PRRG1: variants seen among roughly 807,000 people sequenced by gnomAD.
The protein encoded by PRRG1 is proline rich and Gla domain 1.
PRRG1 carries 5 observed loss-of-function variants against 11.8 expected under a neutral mutation model. The ratio of observed to expected loss-of-function variants is 0.42; its 90% confidence interval spans 0.22 to 0.89. The LOEUF is 0.89. PRRG1 is among the 40% of genes least tolerant of loss of function. PRRG1 has a pLI of 0.28. For missense variants in PRRG1, 155 were observed against 166.1 expected, an observed-to-expected ratio of 0.93 and a Z score of 0.37; for synonymous variants, 66 against 60.4, an observed-to-expected ratio of 1.09 and a Z score of -0.43.
At chrX:37,441,399 C>T in intron 3 of PRRG1, 1 of 754,687 alleles carries the variant, frequency 1.3e-6, no homozygotes, top group Non-Finnish European at 1.6e-6. Context: ...GGAATGCATC[C>T]CTCCCCAGAT....
At chrX:37,414,211 T>TTTTC (rs1266983243) in intron 2 of PRRG1, among the ~76,000 whole-genome samples, 2 of 112,486 alleles carry the variant, frequency 1.8e-5, no homozygotes, top group African/African-American at 6.5e-5. Flanking sequence ...GCTTGTTTTC[T>TTTTC]TACTGTTTTA....
Position 37,454,073 on chromosome X carries a change from T to G in PRRG1, c.*452T>G, listed in dbSNP as rs1164228943. 8.9e-6 allele frequency: 1 copy of G among 112,913 alleles called. No homozygotes were observed. The highest frequency in any genetic ancestry group is 1.9e-5 in the Non-Finnish European group (1 of 53,703). 9.3% of individuals were successfully genotyped at this position (112,913 alleles called of 1,213,427 possible). On this transcript the variant is annotated 3_prime_UTR_variant, in exon 4 of 4. Coordinates refer to ENST00000378628, the MANE Select transcript of PRRG1 (RefSeq NM_001142395.2). ...ATGCTGTAGATTTTTGCAAACTGGA[T>G]GTACTTAGCATGTTTTCTAATTCTG...
intron 1 of PRRG1, among the ~76,000 whole-genome samples, chrX:37,401,228 A>G (rs1441722221): frequency 2.5e-4 from 28 of 111,114 alleles, no homozygotes; most frequent in African/African-American, 9.2e-4. Flanking sequence ...TGATGCAAAA[A>G]TCCTCAATAA....
chrX:37,432,287 C>T (rs1219072948), intron 3 of PRRG1, among the ~76,000 whole-genome samples: 1 of 100,695 alleles, frequency 9.9e-6, no homozygotes, highest in African/African-American at 4.5e-5. Flanking sequence ...CGGCTTTCAC[C>T]CTGTTAGCCA....
At chrX:37,420,986 C>T (rs1932646836) in intron 2 of PRRG1, among the ~76,000 whole-genome samples, 1 of 112,144 alleles carries the variant, frequency 8.9e-6, no homozygotes, top group African/African-American at 3.2e-5. Context: ...CATGTTCAGT[C>T]TTACAATAGA....
chrX:37,437,813 T>C (rs782263328), intron 3 of PRRG1, among the ~76,000 whole-genome samples: 1 of 111,903 alleles, frequency 8.9e-6, no homozygotes, highest in South Asian at 3.8e-4. Context: ...TAAGGAATTA[T>C]ATTCTTTAGC....
chrX:37,401,157 C>T (rs1556380126), intron 1 of PRRG1, among the ~76,000 whole-genome samples: 1 of 110,435 alleles, frequency 9.1e-6, no homozygotes, highest in East Asian at 2.8e-4. Context: ...ATCCTGATAC[C>T]AAAGCCGGGC....
At chrX:37,391,488 A>G (rs1931531563) in intron 1 of PRRG1, among the ~76,000 whole-genome samples, 1 of 111,850 alleles carries the variant, frequency 8.9e-6, no homozygotes, top group South Asian at 3.7e-4. Flanking sequence ...TATTATTAAT[A>G]TTATGGAATT....
chrX:37,411,250 T>C lies in PRRG1; in HGVS notation c.10+4991T>C, dbSNP rs6609632. Among the ~76,000 whole-genome samples the C allele has an allele frequency of 4.4e-5, 5 of 112,395 alleles. No homozygotes were observed. In the East Asian group the frequency reaches 1.4e-3, roughly 31 times the overall value. ...AGTATACAGAAGGATATGCATAGGT[T>C]ATATGCAACTACTATGCCATTTTAT... On this transcript the variant is annotated intron_variant, in intron 2 of 3. Coordinates refer to ENST00000378628, the MANE Select transcript of PRRG1 (RefSeq NM_001142395.2).
chrX:37,420,668 CAA>C (rs1302856034), intron 2 of PRRG1, among the ~76,000 whole-genome samples: 2 of 29,526 alleles, frequency 6.8e-5, no homozygotes, highest in African/African-American at 1.4e-4. Context: ...CCCGTCTATG[CAA>C]AAAAAAAAAA....
chrX:37,443,301 A>G lies in PRRG1; in HGVS notation c.172-9835A>G, dbSNP rs1389616792. Among the ~76,000 whole-genome samples, 9 of 111,750 alleles carry G rather than the reference A, an allele frequency of 8.1e-5. No individual in the cohort carries two copies. In the East Asian group the frequency reaches 1.1e-3, roughly 14 times the overall value. On this transcript the variant is annotated intron_variant, in intron 3 of 3. Transcript: ENST00000378628. ...CTATTCTTAACCTCAGGACATTTGC[A>G]GTGGGGACACCTAGGGTAGAGGGCT...
intron 1 of PRRG1, among the ~76,000 whole-genome samples, chrX:37,391,666 G>A (rs1445862386): frequency 9.0e-6 from 1 of 111,415 alleles, no homozygotes; most frequent in Non-Finnish European, 1.9e-5. Context: ...TGGGATGGAA[G>A]GGAAAATTCA....
At chrX:37,441,508 C>T in intron 3 of PRRG1, 1 of 756,878 alleles carries the variant, frequency 1.3e-6, no homozygotes, top group African/African-American at 2.3e-5. Context: ...CTCACCACAT[C>T]CCAAGGTGCC....
At chrX:37,362,703 G>A (rs1266015519) in intron 1 of PRRG1, among the ~76,000 whole-genome samples, 1 of 111,252 alleles carries the variant, frequency 9.0e-6, no homozygotes, top group East Asian at 2.8e-4. Flanking sequence ...TTGTCTACTT[G>A]GTTTCTGGTT....
At chrX:37,357,918 C>CA (rs1281657491) in intron 1 of PRRG1, among the ~76,000 whole-genome samples, 5 of 112,288 alleles carry the variant, frequency 4.5e-5, no homozygotes, top group Non-Finnish European at 9.4e-5. Flanking sequence ...TTGGTGTTGT[C>CA]AGTGTTCTGT....
At chrX:37,380,854 A>G (rs1451000689) in intron 1 of PRRG1, among the ~76,000 whole-genome samples, 1 of 111,456 alleles carries the variant, frequency 9.0e-6, no homozygotes, top group Admixed American at 9.6e-5. Flanking sequence ...ACCATATAAT[A>G]ACAAACATCC....
Position 37,358,023 on chromosome X carries a change from T to A in PRRG1, c.-42+8628T>A, listed in dbSNP as rs181498156. 2.0e-4 allele frequency among the ~76,000 whole-genome samples: 23 copies of A among 112,272 alleles called. No individual in the cohort carries two copies. In the East Asian group the frequency reaches 5.8e-3, roughly 29 times the overall value. ...TATGATGTTGGGCTTTCCATATGTT[T>A]ATTTGTCATCTGTATCCATCTGTAT... On this transcript the variant is annotated intron_variant, in intron 1 of 3. Coordinates refer to ENST00000378628, the MANE Select transcript of PRRG1 (RefSeq NM_001142395.2).
At chrX:37,374,467 AT>A (rs1186044605) in intron 1 of PRRG1, among the ~76,000 whole-genome samples, 2 of 111,418 alleles carry the variant, frequency 1.8e-5, no homozygotes, top group Admixed American at 9.5e-5. Context: ...GGAAATTTTC[AT>A]TTATTATTAC....
intron 1 of PRRG1, 53 bp from the exon 2 acceptor site, chrX:37,406,156 A>G: frequency 9.1e-7 from 1 of 1,102,920 alleles, no homozygotes; most frequent in Non-Finnish European, 1.2e-6. Flanking sequence ...TATCTGATGT[A>G]GCCACTCAGC....
Sources: gnomAD v4.1 joint callset for allele counts (sites outside exome capture counted in the v4.1 genomes callset) on GRCh38, gnomAD v4.1.1 for gene constraint, MANE v1.5 for transcripts, NCBI Gene and HGNC (gene_info 2026-07-23, HGNC 2026-07-21) for gene names.